Variants in IL1RAPL1 observed in about 807,000 individuals in gnomAD.
IL1RAPL1 encodes the protein interleukin 1 receptor accessory protein like 1.
In IL1RAPL1, 3 loss-of-function variants were observed where a neutral mutation model predicts 48.4. That is an observed-to-expected ratio of 0.06 (90% CI 0.03 to 0.16). IL1RAPL1 has a LOEUF of 0.16. Among genes scored for constraint, IL1RAPL1 ranks in the 10% least tolerant of loss-of-function variants. IL1RAPL1 has a pLI of 1.00. For synonymous variants in IL1RAPL1, 185 were observed against 187.7 expected, an observed-to-expected ratio of 0.99 and a Z score of 0.12; for missense variants, 349 against 530.6, an observed-to-expected ratio of 0.66 and a Z score of 3.36.
chrX:28,914,260 A>G (rs1260201739), intron 2 of IL1RAPL1, among the ~76,000 whole-genome samples: 2 of 111,121 alleles, frequency 1.8e-5, no homozygotes, highest in East Asian at 5.7e-4. Flanking sequence ...TACTTAGGAA[A>G]TATGGACTCT....
At chrX:29,595,459 G>C in intron 5 of IL1RAPL1, among the ~76,000 whole-genome samples, 1 of 111,765 alleles carries the variant, frequency 8.9e-6, no homozygotes. Context: ...GTATCACATT[G>C]TGGTTTTGAT....
At chrX:28,939,742 A>G (rs1314050602) in intron 2 of IL1RAPL1, among the ~76,000 whole-genome samples, 1 of 111,513 alleles carries the variant, frequency 9.0e-6, no homozygotes, top group Non-Finnish European at 1.9e-5. Context: ...TATCTCTGAA[A>G]TCAAGACATA....
chrX:29,933,479 A>C (rs1394564472), intron 8 of IL1RAPL1, among the ~76,000 whole-genome samples: 6 of 110,968 alleles, frequency 5.4e-5, no homozygotes, highest in Non-Finnish European at 7.5e-5. Context: ...CATTGACTAG[A>C]TACACAGACA....
At chrX:29,805,796 C>G (rs1280138698) in intron 6 of IL1RAPL1, among the ~76,000 whole-genome samples, 1 of 109,830 alleles carries the variant, frequency 9.1e-6, no homozygotes, top group African/African-American at 3.3e-5. Context: ...AAGGATTTGT[C>G]AAAATGAGAA....
intron 1 of IL1RAPL1, among the ~76,000 whole-genome samples, chrX:28,669,249 G>C (rs1926268384): frequency 9.0e-6 from 1 of 111,424 alleles, no homozygotes; most frequent in Non-Finnish European, 1.9e-5. Context: ...AAAAGTAACA[G>C]GGCATATGAC....
Position 29,326,870 on chromosome X carries a change from T to G in IL1RAPL1, c.362+43653T>G, listed in dbSNP as rs371680726. On this transcript the variant is annotated intron_variant, in intron 3 of 10. Coordinates refer to ENST00000378993, the MANE Select transcript of IL1RAPL1 (RefSeq NM_014271.4). ...GCAGAACTTGAGAATTTATGTCCTT[T>G]CCTGTATAACCGTGGTTTTCCATGT... 9.8e-5 allele frequency among the ~76,000 whole-genome samples: 11 copies of G among 112,360 alleles called. No homozygotes were observed. The South Asian group carries it at 1.8e-3, about 19-fold the overall frequency.
intron 8 of IL1RAPL1, among the ~76,000 whole-genome samples, chrX:29,938,535 T>C (rs1408031897): frequency 9.0e-6 from 1 of 111,388 alleles, no homozygotes; most frequent in Non-Finnish European, 1.9e-5. Flanking sequence ...TCTCCCCACA[T>C]AGGCCTTTGG....
At chrX:29,722,220 C>T (rs1286035545) in intron 6 of IL1RAPL1, among the ~76,000 whole-genome samples, 1 of 112,010 alleles carries the variant, frequency 8.9e-6, no homozygotes, top group African/African-American at 3.2e-5. Flanking sequence ...CTTTTTGATT[C>T]ATATAAATGT....
chrX:29,722,830 C>T (rs1927670077), intron 6 of IL1RAPL1, among the ~76,000 whole-genome samples: 2 of 112,194 alleles, frequency 1.8e-5, no homozygotes, highest in African/African-American at 6.5e-5. Flanking sequence ...AATTTAGGAA[C>T]AGCTGGCAGT....
intron 5 of IL1RAPL1, among the ~76,000 whole-genome samples, chrX:29,428,467 A>G (rs1276024117): frequency 9.0e-6 from 1 of 111,192 alleles, no homozygotes; most frequent in Non-Finnish European, 1.9e-5. Context: ...TTGAGGAGAA[A>G]AGAGCAAGCA....
chrX:29,513,028 G>A (rs2147767807), intron 5 of IL1RAPL1, among the ~76,000 whole-genome samples: 1 of 111,943 alleles, frequency 8.9e-6, no homozygotes, highest in South Asian at 3.7e-4. Flanking sequence ...TGTGTTAGTG[G>A]TCTGTACTTG....
At chrX:29,736,580 G>T (rs1928051230) in intron 6 of IL1RAPL1, among the ~76,000 whole-genome samples, 1 of 111,539 alleles carries the variant, frequency 9.0e-6, no homozygotes, top group African/African-American at 3.3e-5. Flanking sequence ...ACAAAAATTA[G>T]CCGGGCGTTG....
chrX:29,009,447 AG>A (rs1464539058), intron 2 of IL1RAPL1, among the ~76,000 whole-genome samples: 8 of 112,544 alleles, frequency 7.1e-5, no homozygotes, highest in African/African-American at 2.6e-4. Flanking sequence ...ATATGGTGAA[AG>A]CTAAGGGTCC....
intron 2 of IL1RAPL1, among the ~76,000 whole-genome samples, chrX:28,815,839 GTATATATATATATATATA>G (rs61436993): frequency 2.3e-3 from 68 of 29,110 alleles, no homozygotes; most frequent in South Asian, 8.0e-3. Context: ...GTGTGTTTAT[GTATATATATATATATATA>G]TATATATATA....
chrX:28,669,252 C>A (rs142815256), intron 1 of IL1RAPL1, among the ~76,000 whole-genome samples: 22 of 111,304 alleles, frequency 2.0e-4, no homozygotes, highest in African/African-American at 7.2e-4. Context: ...AGTAACAGGG[C>A]ATATGACATA....
chrX:28,680,134 C>T (rs760569950), intron 1 of IL1RAPL1, among the ~76,000 whole-genome samples: 27 of 111,183 alleles, frequency 2.4e-4, no homozygotes, highest in Non-Finnish European at 4.2e-4. Context: ...CTTTTATTTT[C>T]CTAATCAATG....
intron 6 of IL1RAPL1, among the ~76,000 whole-genome samples, chrX:29,906,857 C>G (rs984325522): frequency 9.1e-6 from 1 of 110,132 alleles, no homozygotes; most frequent in African/African-American, 3.3e-5. Flanking sequence ...CTTGCTGAAT[C>G]TAAATCTGGT....
At chrX:29,250,323 TG>T (rs747035714) in intron 2 of IL1RAPL1, among the ~76,000 whole-genome samples, 1 of 112,292 alleles carries the variant, frequency 8.9e-6, no homozygotes, top group African/African-American at 3.2e-5. Flanking sequence ...ATGAGCATCC[TG>T]GGGATATCCA....
chrX:28,963,774 C>T (rs1386503823), intron 2 of IL1RAPL1, among the ~76,000 whole-genome samples: 1 of 111,068 alleles, frequency 9.0e-6, no homozygotes, highest in African/African-American at 3.3e-5. Flanking sequence ...TTTTTCTGTG[C>T]AAACTTCCAT....
Sources: gnomAD v4.1 joint callset for allele counts (sites outside exome capture counted in the v4.1 genomes callset) on GRCh38, gnomAD v4.1.1 for gene constraint, MANE v1.5 for transcripts, NCBI Gene and HGNC (gene_info 2026-07-23, HGNC 2026-07-21) for gene names.